PYGO1: variants seen among roughly 807,000 people sequenced by gnomAD.
PYGO1 encodes the protein pygopus family PHD finger 1.
In PYGO1, 6 loss-of-function variants were observed where a neutral mutation model predicts 29.5. The ratio of observed to expected loss-of-function variants is 0.20; its 90% CI spans 0.11 to 0.40. PYGO1 has a LOEUF of 0.40. PYGO1 is among the 10% of genes least tolerant of loss of function. PYGO1 has a pLI of 1.00. For synonymous variants in PYGO1, 186 were observed against 180.5 expected (o/e 1.03, Z -0.24); for missense variants, 515 against 514.9 (o/e 1.00, Z 0.00).
At chr15:55,552,539 C>T (rs534045158) in intron 1 of PYGO1, among the ~76,000 whole-genome samples, 1 of 151,888 alleles carries the variant, frequency 6.6e-6, no homozygotes, top group African/African-American at 2.4e-5. Flanking sequence ...GTAGGGCAAT[C>T]GCCCGCCCAG....
At chr15:55,553,013 G>T (rs1266993817) in intron 1 of PYGO1, among the ~76,000 whole-genome samples, 1 of 152,172 alleles carries the variant, frequency 6.6e-6, no homozygotes, top group South Asian at 2.1e-4. Flanking sequence ...TGGGGGAGGG[G>T]TGGCCGCCAT....
rs1467778842 is a variant in PYGO1, at chr15:55,541,549, A to T, written c.*4474T>A. 6.6e-6 allele frequency: 1 copy of T among 152,180 alleles called. No homozygotes were observed. The highest frequency in any genetic ancestry group is 1.5e-5 in the Non-Finnish European group (1 of 68,032). 9.4% of individuals were successfully genotyped at this position (152,180 alleles called of 1,614,324 possible). On this transcript the variant is annotated 3_prime_UTR_variant, in exon 3 of 3. Transcript: ENST00000563719. The stretch of plus-strand genomic sequence containing the variant: ...TCATTCTTAATAAACATACTTTTTT[A>T]AAAAAGAAATTTAATGACACTTTTC...
intron 1 of PYGO1, among the ~76,000 whole-genome samples, chr15:55,561,680 T>C (rs1377721311): frequency 6.6e-6 from 1 of 152,142 alleles, no homozygotes; most frequent in Non-Finnish European, 1.5e-5. Flanking sequence ...CCATATCACC[T>C]TCCTTACACC....
intron 1 of PYGO1, among the ~76,000 whole-genome samples, chr15:55,565,189 C>A (rs2058949901): frequency 6.6e-6 from 1 of 152,012 alleles, no homozygotes; most frequent in Non-Finnish European, 1.5e-5. Context: ...GATTAACATT[C>A]ATGAAATTCA....
rs374511718 is a variant in PYGO1, at chr15:55,547,048, T to C, written c.235A>G (p.Ile79Val). ...GACGAAGGTAGTGGTTTATAGGAAATAGTATTATAGTTGTCATCAAATGGA... is the reference window on the plus strand; with the variant it reads ...GACGAAGGTAGTGGTTTATAGGAAACAGTATTATAGTTGTCATCAAATGGA... ...ANPFDDNYNT[I>V]SYKPLPSSNP... The change falls in exon 3 of 3, where the codon ATT (isoleucine) becomes GTT (valine). Residue 79 changes from isoleucine (I) to valine (V), a missense_variant. By Grantham distance (29) the Ile-to-Val change is conservative. Transcript: ENST00000563719. The C allele has an allele frequency of 5.0e-6, 8 of 1,613,446 alleles. No individual in the cohort carries two copies. In the African/African-American group the frequency reaches 9.4e-5, roughly 19 times the overall value.
intron 1 of PYGO1, among the ~76,000 whole-genome samples, chr15:55,556,087 G>C (rs529873993): frequency 6.6e-6 from 1 of 152,018 alleles, no homozygotes; most frequent in African/African-American, 2.4e-5. Flanking sequence ...GACAATATCA[G>C]ACAGATTATC....
chr15:55,587,018 T>C (rs960218399), intron 1 of PYGO1, among the ~76,000 whole-genome samples: 3 of 152,220 alleles, frequency 2.0e-5, no homozygotes, highest in African/African-American at 7.2e-5. Context: ...ATAGTAGATG[T>C]TCAATAAATA....
chr15:55,573,915 T>C (rs1009214777), intron 1 of PYGO1, among the ~76,000 whole-genome samples: 6 of 152,234 alleles, frequency 3.9e-5, no homozygotes, highest in African/African-American at 1.2e-4. Flanking sequence ...ATATTTATCA[T>C]ACTATATGTT....
At position 55,558,526 on chromosome 15, in the gene PYGO1, G is replaced by A. The variant is rs190116248; in HGVS notation, c.50-9531C>T. ...AAAGTTCATATGGAACCAAAAAAGA[G>A]CCCACATTGCCAAGACAATCTTAAG... On this transcript the variant is annotated intron_variant, in intron 1 of 2. Transcript: ENST00000563719. Among the ~76,000 whole-genome samples the A allele has an allele frequency of 6.0e-3, 906 of 151,380 alleles. 4 individuals are homozygous for A. The highest frequency in any genetic ancestry group is 9.2e-3 in the Non-Finnish European group (621 of 67,478).
chr15:55,584,876 G>C (rs138566197), intron 1 of PYGO1, among the ~76,000 whole-genome samples: 65 of 152,238 alleles, frequency 4.3e-4, no homozygotes, highest in African/African-American at 1.4e-3. Flanking sequence ...GCTGCTTCTG[G>C]TCTACTCACA....
At chr15:55,579,688 T>C (rs1338124517) in intron 1 of PYGO1, among the ~76,000 whole-genome samples, 1 of 152,134 alleles carries the variant, frequency 6.6e-6, no homozygotes, top group Non-Finnish European at 1.5e-5. Flanking sequence ...GCCCACAGCA[T>C]TCTTAAGACT....
intron 1 of PYGO1, among the ~76,000 whole-genome samples, chr15:55,587,320 C>T (rs1261703666): frequency 6.6e-6 from 1 of 151,570 alleles, no homozygotes; most frequent in African/African-American, 2.4e-5. Flanking sequence ...GAATTTGTAG[C>T]TTCTCCTCTT....
chr15:55,573,664 C>A (rs1037007413), intron 1 of PYGO1, among the ~76,000 whole-genome samples: 1 of 152,094 alleles, frequency 6.6e-6, no homozygotes, highest in Non-Finnish European at 1.5e-5. Flanking sequence ...TTGAACAATG[C>A]GGATGTTAGA....
intron 1 of PYGO1, among the ~76,000 whole-genome samples, chr15:55,565,246 C>G (rs61484387): frequency 0.013 from 2,045 of 152,130 alleles, 50 homozygotes; most frequent in African/African-American, 0.046. Context: ...GATGGGACAT[C>G]TTGGTGGTCA....
chr15:55,581,934 C>A (rs1474167834), intron 1 of PYGO1, among the ~76,000 whole-genome samples: 3 of 152,092 alleles, frequency 2.0e-5, no homozygotes, highest in African/African-American at 7.2e-5. Flanking sequence ...AGGCCGGGCG[C>A]AGTGGCTCAT....
chr15:55,576,477 A>C (rs1422266447), intron 1 of PYGO1, among the ~76,000 whole-genome samples: 1 of 100,446 alleles, frequency 1.0e-5, no homozygotes, highest in African/African-American at 3.3e-5. Context: ...AAAAAAAAAA[A>C]AAAAAGAGAG....
In PYGO1 at chr15:55,569,780, T is replaced by C. The variant is rs2058973012; in HGVS notation, c.49+18055A>G. Among the ~76,000 whole-genome samples the C allele has an allele frequency of 2.0e-5, 3 of 152,186 alleles. No homozygotes were observed. In the South Asian group the frequency reaches 6.2e-4, roughly 32 times the overall value. On this transcript the variant is annotated intron_variant, in intron 1 of 2. Coordinates refer to ENST00000563719, the MANE Select transcript of PYGO1 (RefSeq NM_001367806.1). ...GAATGTATATTCTGTGGTTGATGGA[T>C]GGTGGCTGTGCCTGCCATTGGGGTC...
intron 2 of PYGO1, 26 bp downstream of exon 2, chr15:55,548,884 T>G: frequency 1.3e-6 from 2 of 1,599,014 alleles, no homozygotes; most frequent in South Asian, 2.3e-5. Flanking sequence ...AAAGAAAAAC[T>G]TTTATTAAAG....
intron 2 of PYGO1, 60 bp from the exon 3 acceptor site, chr15:55,547,207 C>A: frequency 7.0e-7 from 1 of 1,421,316 alleles, no homozygotes; most frequent in South Asian, 1.4e-5. Context: ...TTAAAATTGT[C>A]CTGTTACCTT....
Sources: allele counts gnomAD v4.1 joint callset (sites outside exome capture counted in the v4.1 genomes callset), GRCh38; gene constraint gnomAD v4.1.1; transcripts MANE v1.5; gene names NCBI Gene and HGNC (gene_info 2026-07-23, HGNC 2026-07-21).